Variants in UGT1A9 observed in about 807,000 individuals in gnomAD.
The protein encoded by UGT1A9 is UDP glucuronosyltransferase family 1 member A9.
A neutral mutation model predicts 45.0 loss-of-function variants in UGT1A9; 35 were observed. The ratio of observed to expected loss-of-function variants is 0.78; its 90% CI spans 0.59 to 1.03. The LOEUF is 1.03. UGT1A9 is among the 50% of genes least tolerant of loss of function. The pLI is 0.00. For synonymous variants in UGT1A9, 278 were observed against 250.6 expected, an observed-to-expected ratio of 1.11 and a Z score of -1.03; for missense variants, 687 against 666.6, an observed-to-expected ratio of 1.03 and a Z score of -0.34.
chr2:233,744,104 G>T (rs1183907106), intron 1 of UGT1A9: 22 of 400,806 alleles, frequency 5.5e-5, no homozygotes, highest in Non-Finnish European at 4.5e-6. Context: ...TCTGGGACTG[G>T]CCCTGCTCTC....
chr2:233,716,902 C>A (rs2076532404), intron 1 of UGT1A9, among the ~76,000 whole-genome samples: 1 of 152,154 alleles, frequency 6.6e-6, no homozygotes, highest in African/African-American at 2.4e-5. Context: ...TCCTCATCTC[C>A]AGACCCTGGA....
intron 1 of UGT1A9, among the ~76,000 whole-genome samples, chr2:233,720,072 T>C (rs1018749083): frequency 5.9e-5 from 9 of 152,264 alleles, no homozygotes; most frequent in African/African-American, 9.6e-5. Flanking sequence ...TAAATTAGAA[T>C]TGTGGACATG....
intron 1 of UGT1A9, chr2:233,760,792 G>A (rs1185395607): frequency 1.2e-6 from 2 of 1,613,510 alleles, no homozygotes; most frequent in Non-Finnish European, 1.7e-6. Context: ...TCTGCCCACT[G>A]TATTCTTCTT....
In UGT1A9 at chr2:233,769,425, C is replaced by T; in HGVS notation, c.1295+986C>T. ...TGTGCGTGTGCGTTTGTGCATGTGGCTGTGCTCATGTGTGGGTGCACACGT... is the reference window on the plus strand; with the variant it reads ...TGTGCGTGTGCGTTTGTGCATGTGGTTGTGCTCATGTGTGGGTGCACACGT... On this transcript the variant is annotated intron_variant, in intron 4 of 4. Transcript: ENST00000354728. The surrounding 1 kb of genome is among the most constrained non-coding windows in gnomAD (Gnocchi z 4.4). The T allele has an allele frequency of 6.7e-7, 1 of 1,487,732 alleles. No homozygotes were observed. Among genetic ancestry groups the T allele is most frequent in the Non-Finnish European group, 9.3e-7 (1 of 1,075,832 alleles). 92.2% of individuals were successfully genotyped at this position (1,487,732 alleles called of 1,614,324 possible). A position where few individuals can be genotyped will look rare whatever the true frequency, so the allele number is the denominator to read the frequency against.
chr2:233,737,919 T>C (rs1472023706), intron 1 of UGT1A9, among the ~76,000 whole-genome samples: 1 of 152,102 alleles, frequency 6.6e-6, no homozygotes, highest in African/African-American at 2.4e-5. Flanking sequence ...CAGGCTAGTG[T>C]ATTTAGTAGT....
intron 1 of UGT1A9, among the ~76,000 whole-genome samples, chr2:233,745,781 C>T (rs1693207389): frequency 6.7e-6 from 1 of 150,162 alleles, no homozygotes; most frequent in Non-Finnish European, 1.5e-5. Context: ...TGAGCTTAGA[C>T]AGGGGGGCTG....
At chr2:233,711,213 G>A (rs1397680313) in intron 1 of UGT1A9, among the ~76,000 whole-genome samples, 2 of 152,238 alleles carry the variant, frequency 1.3e-5, no homozygotes, top group African/African-American at 4.8e-5. Flanking sequence ...TCTCCCCAGT[G>A]CTCCCATGTC....
intron 1 of UGT1A9, chr2:233,713,784 T>A: frequency 6.2e-7 from 1 of 1,614,078 alleles, no homozygotes; most frequent in Non-Finnish European, 8.5e-7. Context: ...TGTGATGGAT[T>A]ACCCCAGGCC....
intron 1 of UGT1A9, among the ~76,000 whole-genome samples, chr2:233,709,844 C>T (rs971169225): frequency 2.0e-5 from 3 of 152,212 alleles, no homozygotes; most frequent in African/African-American, 7.2e-5. Context: ...GCCATCACCA[C>T]ATTCAAGACA....
At chr2:233,695,313 G>A (rs1315730256) in intron 1 of UGT1A9, among the ~76,000 whole-genome samples, 1 of 151,566 alleles carries the variant, frequency 6.6e-6, no homozygotes, top group Non-Finnish European at 1.5e-5. Context: ...TTTAGTAGAG[G>A]CGGGGTTTCA....
chr2:233,690,844 T>G, intron 1 of UGT1A9: 1 of 1,068,762 alleles, frequency 9.4e-7, no homozygotes. Flanking sequence ...GAAAAATGTT[T>G]TCTAATACCT....
chr2:233,689,739 G>T (rs1053174218), intron 1 of UGT1A9, among the ~76,000 whole-genome samples: 3 of 152,308 alleles, frequency 2.0e-5, no homozygotes, highest in Admixed American at 6.5e-5. Flanking sequence ...AATCCATTTG[G>T]TGGGAGTCCA....
rs1190713460 is a variant in UGT1A9 at position 233,755,086 on chromosome 2, G to T, written c.856-11948G>T. ...TCGCCATAGCGGTCATAGATATCGC[G>T]TTTCTACGCGTCCGACAACACCTCG... On this transcript the variant is annotated intron_variant, in intron 1 of 4. Coordinates refer to ENST00000354728, the MANE Select transcript of UGT1A9 (RefSeq NM_021027.3). The T allele has an allele frequency of 7.5e-6, 10 of 1,335,354 alleles. No homozygotes were observed. In the African/African-American group the frequency reaches 1.5e-4, roughly 20 times the overall value. 82.7% of individuals were successfully genotyped at this position (1,335,354 alleles called of 1,614,324 possible). A position where few individuals can be genotyped will look rare whatever the true frequency, so the allele number is the denominator to read the frequency against.
At chr2:233,762,940 A>G (rs1474565729) in intron 1 of UGT1A9, among the ~76,000 whole-genome samples, 1 of 152,236 alleles carries the variant, frequency 6.6e-6, no homozygotes, top group Admixed American at 6.5e-5. Context: ...AAACAGTTGA[A>G]TAATTCTGGC....
In UGT1A9 at chr2:233,713,892, C is replaced by G. The variant is rs892601448; in HGVS notation, c.855+41103C>G. On this transcript the variant is annotated intron_variant, in intron 1 of 4. Transcript: ENST00000354728. ...TGGTGCCTTTATCCAATCAATGTTC[C>G]AGGCAAAACACTTTTTAAAAAATGT... 5.0e-6 allele frequency: 8 copies of G among 1,613,198 alleles called. No individual in the cohort carries two copies. In the African/African-American group the frequency reaches 1.1e-4, roughly 22 times the overall value.
chr2:233,754,865 T>G, intron 1 of UGT1A9: 2 of 1,351,074 alleles, frequency 1.5e-6, no homozygotes, highest in Non-Finnish European at 2.0e-6. Flanking sequence ...GTGCAGACCC[T>G]CTGCTTCTGC....
chr2:233,692,608 C>T (rs1023315562), intron 1 of UGT1A9, among the ~76,000 whole-genome samples: 10 of 152,156 alleles, frequency 6.6e-5, no homozygotes, highest in Non-Finnish European at 1.3e-4. Flanking sequence ...GAAAAATTCC[C>T]GCACATCATG....
At chr2:233,680,438 G>A (rs1465816501) in intron 1 of UGT1A9, among the ~76,000 whole-genome samples, 1 of 152,142 alleles carries the variant, frequency 6.6e-6, no homozygotes, top group Non-Finnish European at 1.5e-5. Context: ...ATGTACTAGA[G>A]GAAAGTGACT....
chr2:233,738,076 A>C (rs17862873), intron 1 of UGT1A9, among the ~76,000 whole-genome samples: 29,204 of 152,030 alleles, frequency 0.19, 3,596 homozygotes, highest in South Asian at 0.3. Context: ...CCCACCTCCT[A>C]ATCTCATCAT....
Sources: gnomAD v4.1 joint callset for allele counts (sites outside exome capture counted in the v4.1 genomes callset) on GRCh38, gnomAD v4.1.1 for gene constraint, Gnocchi (gnomAD v3.1) non-coding constraint, MANE v1.5 for transcripts, NCBI Gene and HGNC (gene_info 2026-07-23, HGNC 2026-07-21) for gene names.